Variants in TRPC5OS observed in about 807,000 individuals in gnomAD.
TRPC5OS encodes the protein TRPC5 opposite strand.
For synonymous variants in TRPC5OS, 30 were observed against 29.3 expected, an observed-to-expected ratio of 1.02 and a Z score of -0.08; for missense variants, 64 against 79.3, an observed-to-expected ratio of 0.81 and a Z score of 0.73.
At chrX:111,891,595 C>A (rs995858215) in intron 1 of TRPC5OS, among the ~76,000 whole-genome samples, 2 of 111,349 alleles carry the variant, frequency 1.8e-5, no homozygotes, top group Admixed American at 1.9e-4. Context: ...GGCTGGAGTG[C>A]AATGGTGCGA....
At chrX:111,899,148 A>G (rs1925216750) in intron 3 of TRPC5OS, among the ~76,000 whole-genome samples, 1 of 110,222 alleles carries the variant, frequency 9.1e-6, no homozygotes, top group Non-Finnish European at 1.9e-5. Flanking sequence ...ATAAAAAATA[A>G]AAAAAAAGCT....
rs181099316 is a variant in TRPC5OS at position 111,903,126 on chromosome X, G to C, written c.*941G>C. 1.8e-5 allele frequency: 2 copies of C among 111,376 alleles called. No homozygotes were observed. The highest frequency in any genetic ancestry group is 6.5e-5 in the African/African-American group (2 of 30,738). The allele number at this position is 111,376 out of a possible 1,213,427, so 9.2% of individuals were successfully genotyped here. On this transcript the variant is annotated 3_prime_UTR_variant, in exon 4 of 4. Coordinates refer to ENST00000635763, the MANE Select transcript of TRPC5OS (RefSeq NM_001195578.2). ...TCACCTGAACAGATTGTACTGTAATGGTACCTCAGGAACTAGATAAGATAT... is the reference window on the plus strand; with the variant it reads ...TCACCTGAACAGATTGTACTGTAATCGTACCTCAGGAACTAGATAAGATAT...
At chrX:111,884,201 C>G (rs896587174) in intron 1 of TRPC5OS, among the ~76,000 whole-genome samples, 2 of 112,590 alleles carry the variant, frequency 1.8e-5, no homozygotes, top group African/African-American at 6.4e-5. Context: ...TAAAAGCTAA[C>G]TGACTTGGTT....
At chrX:111,896,536 G>A (rs1000755772) in intron 3 of TRPC5OS, 41 bp downstream of exon 3, 3 of 110,853 alleles carry the variant, frequency 2.7e-5, no homozygotes, top group African/African-American at 9.8e-5. Context: ...CAGTAGGTCA[G>A]TGGAAAGATA....
At chrX:111,898,702 ATAAT>A (rs1042200478) in intron 3 of TRPC5OS, among the ~76,000 whole-genome samples, 3 of 110,925 alleles carry the variant, frequency 2.7e-5, no homozygotes, top group Non-Finnish European at 5.7e-5. Context: ...AGAAAAACAA[ATAAT>A]TAAGCAAGAA....
chrX:111,876,676 A>G (rs1434137486), intron 1 of TRPC5OS, among the ~76,000 whole-genome samples: 1 of 111,285 alleles, frequency 9.0e-6, no homozygotes, highest in Non-Finnish European at 1.9e-5. Context: ...TTTCATATGA[A>G]TATCAAGGCT....
Position 111,881,146 on chromosome X carries a change from GTTTATTTTATTTTAT to G in TRPC5OS, c.-546+4907_-546+4921del, listed in dbSNP as rs747702186. Among the ~76,000 whole-genome samples the G allele has an allele frequency of 9.5e-3, 957 of 101,134 alleles. 5 individuals carry two copies. The highest frequency in any genetic ancestry group is 0.012 in the Non-Finnish European group (647 of 51,797). 87.8% of individuals were successfully genotyped at this position (101,134 alleles called of 115,157 possible). A position where few individuals can be genotyped will look rare whatever the true frequency, so the allele number is the denominator to read the frequency against. The stretch of plus-strand genomic sequence containing the variant: ...TGCTGTTGTTTTGTGATTTTCTTTT[GTTTATTTTATTTTAT>G]TTTATTTTATTTTATTTTATTTTAT... On this transcript the variant is annotated intron_variant, in intron 1 of 3. Coordinates refer to ENST00000635763, the MANE Select transcript of TRPC5OS (RefSeq NM_001195578.2).
At chrX:111,888,785 C>G (rs2148605463) in intron 1 of TRPC5OS, among the ~76,000 whole-genome samples, 1 of 107,157 alleles carries the variant, frequency 9.3e-6, no homozygotes, top group Admixed American at 1.0e-4. Flanking sequence ...AGGAGGCTGT[C>G]AAAATAATCA....
chrX:111,892,648 G>A (rs190974466), intron 1 of TRPC5OS, among the ~76,000 whole-genome samples: 1 of 111,881 alleles, frequency 8.9e-6, no homozygotes, highest in Non-Finnish European at 1.9e-5. Context: ...ATTGTTCTTA[G>A]GTCTCCTGAA....
In TRPC5OS at chrX:111,893,612, G is replaced by A. The variant is rs140154601; in HGVS notation, c.-545-2339G>A. Among the ~76,000 whole-genome samples the A allele has an allele frequency of 1.7e-3, 195 of 112,072 alleles. 2 individuals are homozygous for A. Among genetic ancestry groups the A allele is most frequent in the African/African-American group, 5.7e-3 (177 of 30,880 alleles). ...GAGGAAAGAAATTCAGTAGAATTTG[G>A]TTTAAATTGACCATAAGGACATTTC... is the stretch of plus-strand genomic sequence containing the variant. On this transcript the variant is annotated intron_variant, in intron 1 of 3. Coordinates refer to ENST00000635763, the MANE Select transcript of TRPC5OS (RefSeq NM_001195578.2).
At position 111,897,625 on chromosome X, in the gene TRPC5OS, A is replaced by C. The variant is rs190767580; in HGVS notation, c.-311+1130A>C. Among the ~76,000 whole-genome samples, 5 of 111,842 alleles carry C rather than the reference A, an allele frequency of 4.5e-5. No individual in the cohort carries two copies. The Admixed American group carries it at 4.8e-4, about 11-fold the overall frequency. ...TTTTCTAAAATTGTATATGGATGGA[A>C]TCATACAGCATATAATCTTTTGTGT... On this transcript the variant is annotated intron_variant, in intron 3 of 3. Coordinates refer to ENST00000635763, the MANE Select transcript of TRPC5OS (RefSeq NM_001195578.2).
intron 1 of TRPC5OS, among the ~76,000 whole-genome samples, chrX:111,888,693 C>CAAAAAAAAAA (rs753735549): frequency 9.1e-4 from 10 of 10,950 alleles, no homozygotes; most frequent in Non-Finnish European, 1.3e-3. Context: ...GACTCTATCT[C>CAAAAAAAAAA]AAAAAAAAAA....
Position 111,903,415 on chromosome X carries a change from G to C in TRPC5OS, c.*1230G>C, listed in dbSNP as rs1265563373. The C allele has an allele frequency of 8.9e-6, 1 of 112,394 alleles. No individual in the cohort carries two copies. Among genetic ancestry groups the C allele is most frequent in the Non-Finnish European group, 1.9e-5 (1 of 53,238 alleles). 9.3% of individuals were successfully genotyped at this position (112,394 alleles called of 1,213,427 possible). Reference sequence around the variant, plus strand: ...TTATGATGGAAAGCCATGATATGGAGTTAGTTTCTAAACAGGTTTATGAAC... The same window carrying C: ...TTATGATGGAAAGCCATGATATGGACTTAGTTTCTAAACAGGTTTATGAAC... On this transcript the variant is annotated 3_prime_UTR_variant, in exon 4 of 4. Coordinates refer to ENST00000635763, the MANE Select transcript of TRPC5OS (RefSeq NM_001195578.2).
At chrX:111,880,601 A>G (rs1924163571) in intron 1 of TRPC5OS, among the ~76,000 whole-genome samples, 1 of 112,471 alleles carries the variant, frequency 8.9e-6, no homozygotes, top group African/African-American at 3.2e-5. Context: ...GTACAGGCCT[A>G]TGTAAGTTTA....
At chrX:111,881,455 C>G (rs1444190441) in intron 1 of TRPC5OS, among the ~76,000 whole-genome samples, 1 of 111,629 alleles carries the variant, frequency 9.0e-6, no homozygotes, top group Non-Finnish European at 1.9e-5. Flanking sequence ...GGATTACAAG[C>G]GTGAGCCACT....
chrX:111,897,908 G>A (rs779499667), intron 3 of TRPC5OS, among the ~76,000 whole-genome samples: 13 of 110,838 alleles, frequency 1.2e-4, no homozygotes, highest in Non-Finnish European at 2.1e-4. Flanking sequence ...TAGAATTGCT[G>A]GGATATAGAT....
chrX:111,897,462 C>T (rs1395612482), intron 3 of TRPC5OS, among the ~76,000 whole-genome samples: 1 of 111,163 alleles, frequency 9.0e-6, no homozygotes, highest in Non-Finnish European at 1.9e-5. Context: ...CACGCATTCT[C>T]CTGTGTAACC....
Position 111,901,847 on chromosome X carries a change from A to T in TRPC5OS, c.-3A>T. ...TTTTATCTATTTAGAAGAGCACTGC[A>T]GCATGGATTCTGTGTTAATTCATGT... On this transcript the variant is annotated 5_prime_UTR_variant, in exon 4 of 4. Coordinates refer to ENST00000635763, the MANE Select transcript of TRPC5OS (RefSeq NM_001195578.2). The T allele has an allele frequency of 3.6e-6, 4 of 1,125,140 alleles. No individual in the cohort carries two copies. The South Asian group carries it at 6.3e-5, about 18-fold the overall frequency. 92.7% of individuals were successfully genotyped at this position (1,125,140 alleles called of 1,213,427 possible).
intron 1 of TRPC5OS, among the ~76,000 whole-genome samples, chrX:111,881,137 TTTTCTTTTG>T (rs1286526485): frequency 7.1e-4 from 75 of 105,888 alleles, no homozygotes; most frequent in African/African-American, 2.6e-3. Flanking sequence ...TGTTTTGTGA[TTTTCTTTTG>T]TTTATTTTAT....
Sources: gnomAD v4.1 joint callset for allele counts (sites outside exome capture counted in the v4.1 genomes callset) on GRCh38, gnomAD v4.1.1 for gene constraint, MANE v1.5 for transcripts, NCBI Gene and HGNC (gene_info 2026-07-23, HGNC 2026-07-21) for gene names.